Variants in HNF4G observed in about 807,000 individuals in gnomAD.
The protein encoded by HNF4G is hepatocyte nuclear factor 4-gamma.
In HNF4G, 21 loss-of-function variants were observed where a neutral mutation model predicts 50.9. That is an observed-to-expected ratio of 0.41 (90% CI 0.29 to 0.59). HNF4G has a LOEUF of 0.59. HNF4G is among the 20% of genes least tolerant of loss of function. The probability of loss-of-function intolerance (pLI) is 0.26; values close to 1 mark genes in which losing one functional copy is unlikely to be tolerated. For missense variants in HNF4G, 527 were observed against 559.4 expected, an observed-to-expected ratio of 0.94 and a Z score of 0.58; for synonymous variants, 198 against 185.6, an observed-to-expected ratio of 1.07 and a Z score of -0.54.
rs560295179 is a variant in HNF4G at position 75,418,722 on chromosome 8, C to CTTTT, written c.-144+10579_-144+10582dup. 1.1e-3 allele frequency among the ~76,000 whole-genome samples: 121 copies of CTTTT among 109,362 alleles called. 2 individuals are homozygous for CTTTT. Among genetic ancestry groups the CTTTT allele is most frequent in the African/African-American group, 2.2e-3 (61 of 27,346 alleles). The allele number at this position is 109,362 out of a possible 152,430, so 71.7% of individuals were successfully genotyped here. On this transcript the variant is annotated intron_variant, in intron 1 of 10. Transcript: ENST00000354370. ...CCTAGTGATAAGTCTCTCTCTCTCTCTTTTTTTTTTTTTTTTTTTTTTGAG... is the reference window on the plus strand; with the variant it reads ...CCTAGTGATAAGTCTCTCTCTCTCTCTTTTTTTTTTTTTTTTTTTTTTTTTTGAG...
At chr8:75,476,047 A>T (rs1030652972) in intron 1 of HNF4G, among the ~76,000 whole-genome samples, 6 of 152,320 alleles carry the variant, frequency 3.9e-5, no homozygotes, top group Non-Finnish European at 8.8e-5. Flanking sequence ...CATCATTCAA[A>T]TAGTGCATAT....
chr8:75,493,425 C>T (rs1022303189), intron 2 of HNF4G, among the ~76,000 whole-genome samples: 4 of 152,032 alleles, frequency 2.6e-5, no homozygotes, highest in Non-Finnish European at 4.4e-5. Flanking sequence ...AGCAAAATAG[C>T]TTTGCCAAAT....
chr8:75,499,353 C>A (rs1812863689), intron 2 of HNF4G, among the ~76,000 whole-genome samples: 1 of 151,976 alleles, frequency 6.6e-6, no homozygotes. Flanking sequence ...CTAAAAACTA[C>A]AAGCATTATT....
intron 2 of HNF4G, among the ~76,000 whole-genome samples, chr8:75,497,899 C>G (rs1812820432): frequency 6.6e-6 from 1 of 151,792 alleles, no homozygotes. Context: ...AAACACTACA[C>G]AAAATTAATT....
At chr8:75,434,481 G>C (rs903192830) in intron 1 of HNF4G, among the ~76,000 whole-genome samples, 2 of 151,610 alleles carry the variant, frequency 1.3e-5, no homozygotes, top group South Asian at 4.2e-4. Flanking sequence ...AAATAGATGA[G>C]ATAAACAACT....
chr8:75,558,919 G>C lies in HNF4G; in HGVS notation c.1005G>C (p.Leu335Phe), dbSNP rs1807216492. The C allele has an allele frequency of 1.2e-6, 2 of 1,613,914 alleles. No homozygotes were observed. Among genetic ancestry groups the C allele is most frequent in the African/African-American group, 2.7e-5 (2 of 74,906 alleles). ...ACTCCCGGGGGAGGTTTGGAGAGTT[G>C]CTTCTGCTCCTGCCCACACTGCAGA... Reference protein sequence around the residue: ...QYDSRGRFGELLLLLPTLQSI... With the variant: ...QYDSRGRFGEFLLLLPTLQSI... The change falls in exon 8 of 10, where the codon TTG becomes TTC. Residue 335 changes from leucine to phenylalanine, a missense_variant. Around this residue, in one of 5 missense-constraint regions of HNF4G, gnomAD observed 308 missense variants for 301.5 expected, o/e 1.02. Transcript: ENST00000396423.
rs1585851370 is a variant in HNF4G at position 75,447,665 on chromosome 8, A to G, written c.-144+39503A>G. On this transcript the variant is annotated intron_variant, in intron 1 of 10. Coordinates refer to the HNF4G transcript ENST00000354370. ...CTCAAAAGAATACATTTATACAGCC[A>G]AAAAACACATGAAAAAATGCTCATC... Among the ~76,000 whole-genome samples, 7 of 152,288 alleles carry G rather than the reference A, an allele frequency of 4.6e-5. No homozygotes were observed. In the South Asian group the frequency reaches 1.5e-3, roughly 32 times the overall value.
intron 9 of HNF4G, among the ~76,000 whole-genome samples, chr8:75,561,127 T>A (rs866465319): frequency 4.6e-5 from 7 of 152,196 alleles, no homozygotes; most frequent in Admixed American, 1.3e-4. Flanking sequence ...CAACATTTTA[T>A]CCCTTGCATT....
intron 2 of HNF4G, among the ~76,000 whole-genome samples, chr8:75,518,700 G>A (rs1156789538): frequency 2.0e-5 from 3 of 152,116 alleles, no homozygotes; most frequent in Non-Finnish European, 2.9e-5. Flanking sequence ...CAAGTCCCAA[G>A]ACTGCACAAA....
At chr8:75,546,035 A>G (rs930621176) in intron 2 of HNF4G, among the ~76,000 whole-genome samples, 1 of 152,176 alleles carries the variant, frequency 6.6e-6, no homozygotes, top group African/African-American at 2.4e-5. Flanking sequence ...CTTCTCATTC[A>G]ATTTTAAGTG....
intron 3 of HNF4G, among the ~76,000 whole-genome samples, chr8:75,549,917 T>C (rs1377581597): frequency 1.3e-5 from 2 of 152,138 alleles, no homozygotes; most frequent in African/African-American, 4.8e-5. Flanking sequence ...ATTTCATCCA[T>C]GTCCCTACAA....
intron 1 of HNF4G, among the ~76,000 whole-genome samples, chr8:75,430,942 A>G (rs754794386): frequency 2.6e-5 from 4 of 152,210 alleles, no homozygotes; most frequent in Middle Eastern, 3.2e-3. Context: ...TTAATTACAT[A>G]TAATGTTCAA....
chr8:75,503,649 A>G (rs1259784703), intron 2 of HNF4G, among the ~76,000 whole-genome samples: 2 of 152,230 alleles, frequency 1.3e-5, no homozygotes, highest in Admixed American at 6.5e-5. Context: ...TGTTGTACCT[A>G]TAAATACCCT....
In HNF4G at chr8:75,558,492, G is replaced by A. The variant is rs113389861; in HGVS notation, c.734-26G>A. On this transcript the variant is annotated intron_variant, in intron 6 of 9. Transcript: ENST00000396423. The stretch of plus-strand genomic sequence containing the variant: ...GGGAGACAGGTGGTTATTTTGTTTT[G>A]TTTTGTTTTGTTTTCTCTCTCATAG... 14 of 1,593,822 alleles carry A rather than the reference G, an allele frequency of 8.8e-6. 1 individual carries two copies. The African/African-American group carries it at 1.1e-4, about 12-fold the overall frequency.
intron 1 of HNF4G, among the ~76,000 whole-genome samples, chr8:75,480,346 C>G (rs1214688264): frequency 6.6e-6 from 1 of 152,200 alleles, no homozygotes; most frequent in Non-Finnish European, 1.5e-5. Flanking sequence ...TCAAAGCTGG[C>G]AGCCCAGGCT....
At chr8:75,562,357 T>C (rs1263917921) in intron 9 of HNF4G, among the ~76,000 whole-genome samples, 1 of 152,162 alleles carries the variant, frequency 6.6e-6, no homozygotes, top group Non-Finnish European at 1.5e-5. Flanking sequence ...GGAAAAAATA[T>C]AAATTTTAGA....
intron 1 of HNF4G, among the ~76,000 whole-genome samples, chr8:75,426,698 G>A: frequency 6.6e-6 from 1 of 151,068 alleles, no homozygotes; most frequent in Admixed American, 6.6e-5. Flanking sequence ...GAAAAGAGAA[G>A]GTGGGAAGAG....
At chr8:75,525,683 G>A (rs1403965822) in intron 2 of HNF4G, among the ~76,000 whole-genome samples, 9 of 152,034 alleles carry the variant, frequency 5.9e-5, no homozygotes, top group Non-Finnish European at 1.3e-4. Flanking sequence ...GAGTTTTACC[G>A]TATGTGACAC....
chr8:75,460,045 A>G (rs1056875307), intron 1 of HNF4G, among the ~76,000 whole-genome samples: 1 of 151,046 alleles, frequency 6.6e-6, no homozygotes, highest in Admixed American at 6.6e-5. Context: ...GATTCTGTAT[A>G]AAGAAAGCTT....
Sources: gnomAD v4.1 joint callset for allele counts (sites outside exome capture counted in the v4.1 genomes callset) on GRCh38, gnomAD v4.1.1 for gene constraint, gnomAD v4.1.1 regional missense constraint, MANE v1.5 for transcripts, NCBI Gene and HGNC (gene_info 2026-07-23, HGNC 2026-07-21) for gene names.